The following DAB1 variants were observed in gnomAD, a reference collection of about 807,000 sequenced individuals.
DAB1 encodes the protein disabled homolog 1.
In DAB1, 15 loss-of-function variants were observed where a neutral mutation model predicts 64.6. The observed-to-expected ratio is 0.23, with a 90% confidence interval of 0.16 to 0.36. DAB1 has a LOEUF of 0.36. Ranked by LOEUF, DAB1 falls within the 10% of genes least tolerant of loss-of-function variation. The pLI, the probability that DAB1 is intolerant of heterozygous loss-of-function variation, is 1.00. For missense variants in DAB1, 596 were observed against 706.7 expected, an observed-to-expected ratio of 0.84 and a Z score of 1.78; for synonymous variants, 235 against 251.9, an observed-to-expected ratio of 0.93 and a Z score of 0.64.
chr1:57,313,584 T>C (rs1005307243), intron 1 of DAB1, among the ~76,000 whole-genome samples: 1 of 152,164 alleles, frequency 6.6e-6, no homozygotes, highest in Non-Finnish European at 1.5e-5. Context: ...AAAAGTGGAA[T>C]TGATGGCACC....
chr1:57,966,447 C>G (rs1032473466), intron 5 of DAB1, among the ~76,000 whole-genome samples: 3 of 152,116 alleles, frequency 2.0e-5, no homozygotes, highest in Admixed American at 6.6e-5. Flanking sequence ...AGGCACCCAG[C>G]CAACATCCAG....
intron 4 of DAB1, among the ~76,000 whole-genome samples, chr1:57,104,962 C>T (rs1655008714): frequency 6.6e-6 from 1 of 152,130 alleles, no homozygotes; most frequent in African/African-American, 2.4e-5. Context: ...CCCTTGAATT[C>T]TAAGCCTTTT....
chr1:57,478,586 C>CTTTTTTTT (rs35538831), intron 7 of DAB1, among the ~76,000 whole-genome samples: 6 of 81,226 alleles, frequency 7.4e-5, no homozygotes, highest in African/African-American at 1.6e-4. Context: ...TATTCCCATT[C>CTTTTTTTT]TTTTTTTTTT....
At chr1:57,255,088 G>A (rs1201041539) in intron 2 of DAB1, among the ~76,000 whole-genome samples, 32 of 152,090 alleles carry the variant, frequency 2.1e-4, no homozygotes, top group Admixed American at 2.1e-3. Flanking sequence ...CTCATGAATG[G>A]ATAAATGAAA....
At chr1:57,701,323 G>A (rs1372690462) in intron 6 of DAB1, among the ~76,000 whole-genome samples, 2 of 152,156 alleles carry the variant, frequency 1.3e-5, no homozygotes, top group African/African-American at 2.4e-5. Flanking sequence ...AACAATGATA[G>A]ACTGGATTAA....
At chr1:57,005,469 G>T (rs1217533206) in intron 14 of DAB1, among the ~76,000 whole-genome samples, 1 of 152,156 alleles carries the variant, frequency 6.6e-6, no homozygotes, top group East Asian at 1.9e-4. Context: ...TTTGTTAGAT[G>T]GGAATAGAGA....
At chr1:57,016,632 G>T (rs1465947571) in intron 11 of DAB1, among the ~76,000 whole-genome samples, 2 of 151,680 alleles carry the variant, frequency 1.3e-5, no homozygotes, top group Non-Finnish European at 2.9e-5. Context: ...CCACTCAGGG[G>T]CACCTCATGC....
At chr1:57,157,205 T>C (rs1660307690) in intron 2 of DAB1, among the ~76,000 whole-genome samples, 1 of 152,150 alleles carries the variant, frequency 6.6e-6, no homozygotes, top group Non-Finnish European at 1.5e-5. Context: ...CCAAGATAAG[T>C]ATTTTTTTTT....
At chr1:58,242,603 T>A (rs1187297400) in intron 4 of DAB1, among the ~76,000 whole-genome samples, 1 of 152,162 alleles carries the variant, frequency 6.6e-6, no homozygotes, top group East Asian at 1.9e-4. Flanking sequence ...CATTTTATAC[T>A]TTTTCATTTT....
chr1:57,353,745 T>C (rs1476733988), intron 1 of DAB1, among the ~76,000 whole-genome samples: 1 of 152,114 alleles, frequency 6.6e-6, no homozygotes, highest in Non-Finnish European at 1.5e-5. Context: ...TTGCTACAGC[T>C]CCCTGCTCCT....
chr1:57,751,989 G>C (rs1306439572), intron 6 of DAB1, among the ~76,000 whole-genome samples: 1 of 152,226 alleles, frequency 6.6e-6, no homozygotes, highest in Non-Finnish European at 1.5e-5. Context: ...AAATCTCAGA[G>C]GAAGAAGCTT....
chr1:58,278,002 T>A (rs1273875626), intron 4 of DAB1, among the ~76,000 whole-genome samples: 1 of 152,226 alleles, frequency 6.6e-6, no homozygotes, highest in Non-Finnish European at 1.5e-5. Context: ...TGCATTTGCT[T>A]ATGCTCTTTA....
intron 7 of DAB1, among the ~76,000 whole-genome samples, chr1:57,484,631 A>C (rs1252325402): frequency 1.3e-5 from 2 of 152,162 alleles, no homozygotes; most frequent in Admixed American, 1.3e-4. Context: ...GGAGATGTGG[A>C]GGAGGCAGTC....
chr1:57,984,240 G>GAAAGAA (rs1646148310), intron 5 of DAB1, among the ~76,000 whole-genome samples: 2 of 143,648 alleles, frequency 1.4e-5, no homozygotes, highest in African/African-American at 5.2e-5. Context: ...AAGAAAGAAA[G>GAAAGAA]AAAGAAAGAA....
chr1:57,544,404 A>T (rs1448834629), intron 7 of DAB1, among the ~76,000 whole-genome samples: 1 of 152,226 alleles, frequency 6.6e-6, no homozygotes, highest in Non-Finnish European at 1.5e-5. Context: ...AACAGAAATT[A>T]AGTAATTTGC....
chr1:58,400,425 C>G (rs1033774626), intron 3 of DAB1, among the ~76,000 whole-genome samples: 3 of 152,126 alleles, frequency 2.0e-5, no homozygotes, highest in Non-Finnish European at 4.4e-5. Flanking sequence ...CTGTGGAGGG[C>G]AGCAGCCATC....
chr1:58,303,643 T>C (rs1451662742), intron 4 of DAB1, among the ~76,000 whole-genome samples: 1 of 152,170 alleles, frequency 6.6e-6, no homozygotes, highest in East Asian at 1.9e-4. Flanking sequence ...GGGAAGTTGG[T>C]ACTCAAATCT....
intron 7 of DAB1, among the ~76,000 whole-genome samples, chr1:57,570,124 G>A (rs779601494): frequency 5.3e-5 from 8 of 152,066 alleles, no homozygotes; most frequent in Non-Finnish European, 7.4e-5. Flanking sequence ...TCAGTCGGCC[G>A]GGAAAGGCAG....
chr1:58,441,848 T>C lies in DAB1; in HGVS notation n.257+64212A>G, dbSNP rs138859233. Among the ~76,000 whole-genome samples the C allele has an allele frequency of 1.5e-3, 228 of 152,308 alleles. 2 individuals carry two copies. Among genetic ancestry groups the C allele is most frequent in the African/African-American group, 5.4e-3 (223 of 41,566 alleles). On this transcript the variant is annotated intron_variant and non_coding_transcript_variant, in intron 3 of 20. Coordinates refer to the DAB1 transcript ENST00000485760. The stretch of plus-strand genomic sequence containing the variant: ...AACAAGAGGAAATTAAATTGCTCAC[T>C]GAGTCGGTAACAGATGGTTGGCTCC...
Sources: gnomAD v4.1 joint callset for allele counts (sites outside exome capture counted in the v4.1 genomes callset) on GRCh38, gnomAD v4.1.1 for gene constraint, MANE v1.5 for transcripts, NCBI Gene and HGNC (gene_info 2026-07-23, HGNC 2026-07-21) for gene names.